TRIM2: variants seen among roughly 807,000 people sequenced by gnomAD.
TRIM2 encodes the protein tripartite motif containing 2.
A neutral mutation model predicts 75.2 loss-of-function variants in TRIM2; 20 were observed. The observed-to-expected ratio is 0.27, with a 90% CI of 0.19 to 0.39. TRIM2 has a LOEUF of 0.39. Ranked by LOEUF, TRIM2 falls within the 10% of genes least tolerant of loss-of-function variation. The pLI, the probability that TRIM2 is intolerant of heterozygous loss-of-function variation, is 1.00. For synonymous variants in TRIM2, 373 were observed against 388.3 expected (o/e 0.96, Z 0.46); for missense variants, 660 against 990.8 (o/e 0.67, Z 4.48).
intron 3 of TRIM2, among the ~76,000 whole-genome samples, chr4:153,288,755 A>T (rs895284730): frequency 6.7e-6 from 1 of 148,878 alleles, no homozygotes; most frequent in Non-Finnish European, 1.5e-5. Context: ...CGGGCCTCTT[A>T]GGTTTTGTTA....
chr4:153,309,973 T>A (rs1259942389), intron 6 of TRIM2: 3 of 152,140 alleles, frequency 2.0e-5, no homozygotes, highest in Non-Finnish European at 4.4e-5. Context: ...AGAGGAAATC[T>A]GCATTTATTG....
intron 1 of TRIM2, among the ~76,000 whole-genome samples, chr4:153,262,107 A>G (rs1461973552): frequency 6.6e-6 from 1 of 152,162 alleles, no homozygotes; most frequent in Non-Finnish European, 1.5e-5. Flanking sequence ...TTTTATTTTC[A>G]TGCATATGTG....
intron 1 of TRIM2, among the ~76,000 whole-genome samples, chr4:153,211,135 T>A (rs1736881038): frequency 6.6e-6 from 1 of 152,150 alleles, no homozygotes; most frequent in South Asian, 2.1e-4. Context: ...ATAGCGGCCA[T>A]CTGCACACCG....
At chr4:153,293,627 C>T (rs1762244565) in intron 4 of TRIM2, among the ~76,000 whole-genome samples, 1 of 152,148 alleles carries the variant, frequency 6.6e-6, no homozygotes, top group African/African-American at 2.4e-5. Context: ...AACAGAGTAG[C>T]TGAGTGGTGC....
intron 6 of TRIM2, among the ~76,000 whole-genome samples, chr4:153,300,799 AT>A (rs1340963713): frequency 6.6e-6 from 1 of 151,360 alleles, no homozygotes; most frequent in Non-Finnish European, 1.5e-5. Flanking sequence ...CTGAGATTAC[AT>A]TTTTTATATA....
chr4:153,209,544 G>A (rs959378473), intron 1 of TRIM2, among the ~76,000 whole-genome samples: 1 of 152,150 alleles, frequency 6.6e-6, no homozygotes, highest in African/African-American at 2.4e-5. Context: ...TTTGCCCACT[G>A]TCCACCTGTG....
chr4:153,251,848 G>C (rs1278817980), intron 1 of TRIM2, among the ~76,000 whole-genome samples: 1 of 152,102 alleles, frequency 6.6e-6, no homozygotes, highest in Non-Finnish European at 1.5e-5. Context: ...TAGCATGGTG[G>C]TACACGCCTG....
At chr4:153,193,307 A>G (rs1451482633) in intron 1 of TRIM2, among the ~76,000 whole-genome samples, 1 of 151,460 alleles carries the variant, frequency 6.6e-6, no homozygotes, top group Admixed American at 6.6e-5. Flanking sequence ...AATTTTTTGT[A>G]TTTTTAGTAG....
At chr4:153,222,543 G>C (rs1432175698) in intron 1 of TRIM2, 1 of 152,112 alleles carries the variant, frequency 6.6e-6, no homozygotes. Flanking sequence ...CTCTTTGTGC[G>C]GGGATTAGCT....
intron 2 of TRIM2, among the ~76,000 whole-genome samples, chr4:153,275,027 T>C (rs1415173028): frequency 6.6e-6 from 1 of 152,086 alleles, no homozygotes; most frequent in African/African-American, 2.4e-5. Flanking sequence ...CTGGAAAAAA[T>C]TGTATAGTCT....
intron 1 of TRIM2, among the ~76,000 whole-genome samples, chr4:153,165,003 G>C (rs4696172): frequency 0.98 from 148,464 of 152,204 alleles, 72,426 homozygotes; most frequent in East Asian, 1. Flanking sequence ...TCTTCAAATG[G>C]TCCAACAGAT....
intron 1 of TRIM2, among the ~76,000 whole-genome samples, chr4:153,198,375 G>A (rs988924651): frequency 1.3e-5 from 2 of 152,196 alleles, no homozygotes; most frequent in Admixed American, 6.5e-5. Context: ...AGTCTCATGA[G>A]ATCTCATGGG....
chr4:153,175,979 G>A (rs1057068145), intron 1 of TRIM2, among the ~76,000 whole-genome samples: 9 of 151,994 alleles, frequency 5.9e-5, no homozygotes, highest in Non-Finnish European at 7.4e-5. Context: ...AGGAGTTTGA[G>A]GCTATAGTGC....
intron 1 of TRIM2, among the ~76,000 whole-genome samples, chr4:153,208,027 T>G (rs930201169): frequency 6.6e-6 from 1 of 152,170 alleles, no homozygotes; most frequent in Non-Finnish European, 1.5e-5. Context: ...CCAGGTGCAG[T>G]GGTGAACCCT....
chr4:153,161,375 C>T (rs1279321410), intron 1 of TRIM2, among the ~76,000 whole-genome samples: 1 of 152,144 alleles, frequency 6.6e-6, no homozygotes, highest in East Asian at 1.9e-4. Context: ...ATGCATGATC[C>T]CATTCAGCCT....
At position 153,248,875 on chromosome 4, in the gene TRIM2, T is replaced by G. The variant is rs1283076313; in HGVS notation, c.31-21460T>G. ...CCCAGGCTCCTACTTCAGTGTCACCTCCAGGTTTCAAAGCATGGAAACCCA... is the reference window on the plus strand; with the variant it reads ...CCCAGGCTCCTACTTCAGTGTCACCGCCAGGTTTCAAAGCATGGAAACCCA... On this transcript the variant is annotated intron_variant, in intron 1 of 11. Coordinates refer to ENST00000338700, the MANE Select transcript of TRIM2 (RefSeq NM_015271.5). This position sits in a 1 kb window ranked among gnomAD's most constrained non-coding sequence, Gnocchi z 4.0. Among the ~76,000 whole-genome samples, 2 of 152,198 alleles carry G rather than the reference T, an allele frequency of 1.3e-5. No homozygotes were observed. The highest frequency in any genetic ancestry group is 2.9e-5 in the Non-Finnish European group (2 of 68,030).
At chr4:153,201,171 C>A (rs1734326464), upstream of TRIM2, among the ~76,000 whole-genome samples, 1 of 152,122 alleles carries the variant, frequency 6.6e-6, no homozygotes, top group Admixed American at 6.5e-5. Context: ...GCCATGTTGG[C>A]CAGACTGGTC....
chr4:153,173,481 T>C (rs1731087231), intron 1 of TRIM2, among the ~76,000 whole-genome samples: 1 of 146,170 alleles, frequency 6.8e-6, no homozygotes, highest in Non-Finnish European at 1.5e-5. Flanking sequence ...GGCAACATGG[T>C]AAAACCCCAT....
chr4:153,306,565 G>A (rs1765039787), intron 6 of TRIM2, among the ~76,000 whole-genome samples: 1 of 152,214 alleles, frequency 6.6e-6, no homozygotes, highest in Non-Finnish European at 1.5e-5. Flanking sequence ...TCAAAGATAG[G>A]CGTTGTAGTT....
Sources: gnomAD v4.1 joint callset for allele counts (sites outside exome capture counted in the v4.1 genomes callset) on GRCh38, gnomAD v4.1.1 for gene constraint, Gnocchi (gnomAD v3.1) non-coding constraint, MANE v1.5 for transcripts, NCBI Gene and HGNC (gene_info 2026-07-23, HGNC 2026-07-21) for gene names.